The following EXOSC7 variants were observed in gnomAD, a reference collection of about 807,000 sequenced individuals.
EXOSC7 encodes the protein exosome component 7.
Under a neutral mutation model 34.3 loss-of-function variants are expected in EXOSC7, and 25 were observed. The observed-to-expected ratio is 0.73, with a 90% CI of 0.53 to 1.02. The LOEUF (loss-of-function observed/expected upper bound fraction) is 1.02, where lower values mean the gene tolerates loss of function less well. Among genes scored for constraint, EXOSC7 ranks in the 50% least tolerant of loss-of-function variants. The pLI, the probability that EXOSC7 is intolerant of heterozygous loss-of-function variation, is 0.00. For synonymous variants in EXOSC7, 130 were observed against 143.0 expected (o/e 0.91, Z 0.65); for missense variants, 370 against 368.5 (o/e 1.00, Z -0.03).
intron 1 of EXOSC7, among the ~76,000 whole-genome samples, chr3:44,981,229 C>T (rs933296563): frequency 6.6e-6 from 1 of 152,214 alleles, no homozygotes; most frequent in African/African-American, 2.4e-5. Context: ...GAAATCTCTG[C>T]TCTCTCCTGC....
At chr3:45,011,671 C>T (rs115124208), downstream of EXOSC7, among the ~76,000 whole-genome samples, 400 of 152,232 alleles carry the variant, frequency 2.6e-3, 3 homozygotes, top group African/African-American at 9.4e-3. Context: ...ATTTTTTTCC[C>T]CTTGAAGAAC....
intron 5 of EXOSC7, among the ~76,000 whole-genome samples, chr3:45,002,626 C>A (rs1425723835): frequency 6.6e-6 from 1 of 152,102 alleles, no homozygotes; most frequent in African/African-American, 2.4e-5. Flanking sequence ...GAAATATGTA[C>A]CCCCAAGTAA....
chr3:45,001,306 G>C (rs936691139), intron 4 of EXOSC7, among the ~76,000 whole-genome samples: 2 of 152,016 alleles, frequency 1.3e-5, no homozygotes, highest in Non-Finnish European at 2.9e-5. Flanking sequence ...AGCTGGGGGT[G>C]GTGGCGCACA....
chr3:44,982,205 C>T (rs1449546192), intron 1 of EXOSC7, among the ~76,000 whole-genome samples: 1 of 152,216 alleles, frequency 6.6e-6, no homozygotes. Context: ...AAGTGTTTCT[C>T]AGATCAGAGA....
At chr3:44,992,735 T>C (rs1029804823) in intron 3 of EXOSC7, among the ~76,000 whole-genome samples, 1 of 152,126 alleles carries the variant, frequency 6.6e-6, no homozygotes, top group Non-Finnish European at 1.5e-5. Context: ...GAAGGGAAGA[T>C]TTTAGTGAGC....
rs77349566 is a variant in EXOSC7 at position 45,008,357 on chromosome 3, A to T, written c.771+782A>T. Among the ~76,000 whole-genome samples, 21 of 152,374 alleles carry T rather than the reference A, an allele frequency of 1.4e-4. No individual in the cohort carries two copies. In the East Asian group the frequency reaches 4.0e-3, roughly 29 times the overall value. On this transcript the variant is annotated intron_variant, in intron 7 of 7. Transcript: ENST00000265564. ...ACACATGCCCAGAGATCATTGCTTAATAGCAAGCACTCTTCTTTTGTGTTT... is the reference window on the plus strand; with the variant it reads ...ACACATGCCCAGAGATCATTGCTTATTAGCAAGCACTCTTCTTTTGTGTTT...
intron 3 of EXOSC7, among the ~76,000 whole-genome samples, chr3:44,994,270 T>A (rs1283931336): frequency 6.8e-6 from 1 of 146,778 alleles, no homozygotes. Flanking sequence ...AAAGATAAGG[T>A]CTCCCTTCTT....
chr3:44,987,398 T>C lies in EXOSC7; in HGVS notation c.58-1742T>C, dbSNP rs1262900493. 2.0e-5 allele frequency among the ~76,000 whole-genome samples: 3 copies of C among 152,174 alleles called. No individual in the cohort carries two copies. In the East Asian group the frequency reaches 5.8e-4, roughly 29 times the overall value. On this transcript the variant is annotated intron_variant, in intron 1 of 7. Coordinates refer to ENST00000265564, the MANE Select transcript of EXOSC7 (RefSeq NM_015004.4). ...AACCATGATGTGGGGGAACCCAAAA[T>C]GGAAAACAAAAATTTACAAATGAAA...
chr3:45,001,513 CT>C (rs778870182), intron 4 of EXOSC7, 24 bp from the exon 5 acceptor site: 2 of 1,589,008 alleles, frequency 1.3e-6, no homozygotes, highest in Admixed American at 3.4e-5. Flanking sequence ...GTTTTTTTTC[CT>C]TTTTCAATTC....
rs577205680 is a variant in EXOSC7 at position 44,989,379 on chromosome 3, G to A, written c.159+138G>A. ...AGATCCGAGCCAAACTCAGGGAGGGGGGGTCTATCCAGATCTGAAAAGACT... is the reference window on the plus strand; with the variant it reads ...AGATCCGAGCCAAACTCAGGGAGGGAGGGTCTATCCAGATCTGAAAAGACT... On this transcript the variant is annotated intron_variant, in intron 2 of 7. Transcript: ENST00000265564. 1.6e-5 allele frequency: 13 copies of A among 825,180 alleles called. No homozygotes were observed. The Admixed American group carries it at 2.3e-4, about 14-fold the overall frequency. 51.1% of individuals were successfully genotyped at this position (825,180 alleles called of 1,614,324 possible).
chr3:44,976,359 C>G (rs774995664), intron 1 of EXOSC7, 25 bp downstream of exon 1: 1 of 1,560,302 alleles, frequency 6.4e-7, no homozygotes, highest in African/African-American at 1.4e-5. Flanking sequence ...GGCGTTGGGT[C>G]GGCCGCCGGG....
rs1381747237 is a variant in EXOSC7 at position 45,007,421 on chromosome 3, T to G, written c.617T>G (p.Ile206Ser). The G allele has an allele frequency of 6.2e-7, 1 of 1,614,062 alleles. No homozygotes were observed. The highest frequency in any genetic ancestry group is 8.5e-7 in the Non-Finnish European group (1 of 1,179,986). ...GTGCCACGCACCCTGCCTTTGCAGA[T>G]TGGCTATCGGCATGTGGTGGATGCT... ...NVPCIVTLCK[I>S]GYRHVVDATL... is the part of the protein sequence containing the mutation. The change falls in exon 7 of 8, where the codon ATT (isoleucine) becomes AGT (serine). Residue 206 changes from isoleucine to serine, a missense_variant and splice_region_variant. By Grantham distance (142) the Ile-to-Ser change is moderately radical (BLOSUM62 -2). Coordinates refer to ENST00000265564, the MANE Select transcript of EXOSC7 (RefSeq NM_015004.4).
At chr3:45,004,050 C>T (rs1396041078) in intron 5 of EXOSC7, 2 of 152,154 alleles carry the variant, frequency 1.3e-5, no homozygotes, top group Non-Finnish European at 1.5e-5. Flanking sequence ...GAGGCTATTA[C>T]AAATAGGGAT....
At chr3:44,989,441 C>T (rs1256603554) in intron 2 of EXOSC7, 109 bp from the exon 3 acceptor site, 1 of 933,572 alleles carries the variant, frequency 1.1e-6, no homozygotes, top group African/African-American at 1.6e-5. Context: ...CAAGTCTTAG[C>T]ACTGCTCCTA....
chr3:45,005,099 T>C, intron 5 of EXOSC7, 192 bp from the exon 6 acceptor site: 1 of 571,798 alleles, frequency 1.7e-6, no homozygotes, highest in Admixed American at 3.1e-5. Context: ...TTCTAAAAGA[T>C]GCCTTTCCTC....
intron 1 of EXOSC7, among the ~76,000 whole-genome samples, chr3:44,985,526 AC>A (rs1706383806): frequency 6.7e-6 from 1 of 150,306 alleles, no homozygotes; most frequent in African/African-American, 2.5e-5. Flanking sequence ...GGTGAGTGTT[AC>A]AGCTCTTAAG....
chr3:44,989,374 GA>G (rs1255394810), intron 2 of EXOSC7, 133 bp downstream of exon 2: 2 of 848,632 alleles, frequency 2.4e-6, no homozygotes, highest in African/African-American at 3.4e-5. Context: ...CAAACTCAGG[GA>G]GGGGGGGTCT....
At position 44,977,708 on chromosome 3, in the gene EXOSC7, C is replaced by T. The variant is rs573773347; in HGVS notation, c.57+1374C>T. ...TACACTTTGTTCAGGTGATTTTTAT[C>T]CTCAAAGTATTTTTTTAGGGACACA... On this transcript the variant is annotated intron_variant, in intron 1 of 7. Transcript: ENST00000265564. Among the ~76,000 whole-genome samples, 13 of 152,264 alleles carry T rather than the reference C, an allele frequency of 8.5e-5. No individual in the cohort carries two copies. The South Asian group carries it at 2.7e-3, about 32-fold the overall frequency.
At chr3:45,012,181 A>G (rs1293992183), downstream of EXOSC7, 1 of 150,340 alleles carries the variant, frequency 6.7e-6, no homozygotes, top group African/African-American at 2.5e-5. Context: ...TTTTTTTTCT[A>G]GGGGAACTGA....
Sources: allele counts gnomAD v4.1 joint callset (sites outside exome capture counted in the v4.1 genomes callset), GRCh38; gene constraint gnomAD v4.1.1; transcripts MANE v1.5; gene names NCBI Gene and HGNC (gene_info 2026-07-23, HGNC 2026-07-21).